RALGPS1: variants seen among roughly 807,000 people sequenced by gnomAD.
RALGPS1 encodes the protein Ral GEF with PH domain and SH3 binding motif 1.
In RALGPS1, 19 loss-of-function variants were observed where a neutral mutation model predicts 78.8. The observed-to-expected ratio is 0.24, with a 90% confidence interval of 0.17 to 0.35. RALGPS1 has a LOEUF of 0.35. Among genes scored for constraint, RALGPS1 ranks in the 10% least tolerant of loss-of-function variants. The pLI is 1.00. For synonymous variants in RALGPS1, 228 were observed against 256.3 expected (o/e 0.89, Z 1.06); for missense variants, 454 against 688.3 (o/e 0.66, Z 3.81).
At chr9:127,034,351 C>A in intron 4 of RALGPS1, 80 bp from the exon 5 acceptor site, 2 of 1,259,736 alleles carry the variant, frequency 1.6e-6, no homozygotes, top group Non-Finnish European at 2.3e-6. Flanking sequence ...TTCATGCATG[C>A]TCATGTTCCC....
intron 10 of RALGPS1, among the ~76,000 whole-genome samples, chr9:127,171,654 G>A (rs1231166438): frequency 6.6e-6 from 1 of 152,202 alleles, no homozygotes; most frequent in Non-Finnish European, 1.5e-5. Context: ...ACCTACTCGG[G>A]AGGCTGAGGC....
chr9:127,088,977 C>T lies in RALGPS1; in HGVS notation c.610+19621C>T, dbSNP rs760636806. 44 of 1,614,100 alleles carry T rather than the reference C, an allele frequency of 2.7e-5. No individual in the cohort carries two copies. In the South Asian group the frequency reaches 4.7e-4, roughly 17 times the overall value. ...TTGGGGTTCGGTCGGATCATCATCA[C>T]CACTTTCTTGAGTGAGTAAGAGCCT... On this transcript the variant is annotated intron_variant, in intron 8 of 18. Transcript: ENST00000259351.
At chr9:126,991,544 A>G (rs1330673036) in intron 4 of RALGPS1, among the ~76,000 whole-genome samples, 2 of 152,298 alleles carry the variant, frequency 1.3e-5, no homozygotes, top group Non-Finnish European at 2.9e-5. Context: ...CTGCAAGGAA[A>G]AGAGGGTTTG....
chr9:127,071,214 C>A (rs2050172919), intron 8 of RALGPS1, among the ~76,000 whole-genome samples: 1 of 151,390 alleles, frequency 6.6e-6, no homozygotes, highest in Non-Finnish European at 1.5e-5. Flanking sequence ...TTAAAATTTA[C>A]CTCCTTGCCA....
intron 8 of RALGPS1, among the ~76,000 whole-genome samples, chr9:127,130,675 A>G (rs1564634962): frequency 6.6e-6 from 1 of 152,218 alleles, no homozygotes; most frequent in Admixed American, 6.5e-5. Context: ...CATAATATTC[A>G]CTGAGCACTT....
At chr9:127,030,431 C>G (rs1355248925) in intron 4 of RALGPS1, among the ~76,000 whole-genome samples, 1 of 152,204 alleles carries the variant, frequency 6.6e-6, no homozygotes, top group East Asian at 1.9e-4. Context: ...AAAGGCAAGG[C>G]AGAGGACAAC....
chr9:126,992,806 G>T (rs1324756433), intron 4 of RALGPS1, among the ~76,000 whole-genome samples: 3 of 152,226 alleles, frequency 2.0e-5, no homozygotes, highest in African/African-American at 4.8e-5. Context: ...CACAGATAAT[G>T]ATGCCTCTGT....
intron 8 of RALGPS1, among the ~76,000 whole-genome samples, chr9:127,097,309 T>C (rs1247979198): frequency 6.6e-6 from 1 of 152,264 alleles, no homozygotes; most frequent in Non-Finnish European, 1.5e-5. Flanking sequence ...TTTAAGGCTT[T>C]CTAGAATAAT....
intron 1 of RALGPS1, among the ~76,000 whole-genome samples, chr9:126,956,126 A>T (rs1024670698): frequency 3.3e-5 from 5 of 152,090 alleles, no homozygotes; most frequent in African/African-American, 1.2e-4. Flanking sequence ...GCAGAGACTT[A>T]ATATCTCAGG....
At chr9:127,009,971 A>G (rs1239151255) in intron 4 of RALGPS1, among the ~76,000 whole-genome samples, 2 of 152,128 alleles carry the variant, frequency 1.3e-5, no homozygotes, top group Non-Finnish European at 2.9e-5. Flanking sequence ...CCCTGGGTCT[A>G]TATTTCTTGG....
At chr9:127,172,866 T>C (rs2059638051) in intron 10 of RALGPS1, among the ~76,000 whole-genome samples, 1 of 152,214 alleles carries the variant, frequency 6.6e-6, no homozygotes, top group Admixed American at 6.5e-5. Flanking sequence ...CATTGGGCAA[T>C]GCTCACCTGT....
chr9:127,207,781 C>A (rs1299967513), intron 14 of RALGPS1, among the ~76,000 whole-genome samples: 2 of 152,202 alleles, frequency 1.3e-5, no homozygotes, highest in African/African-American at 2.4e-5. Flanking sequence ...TCCACCCTAA[C>A]TCTGTGTTCC....
intron 12 of RALGPS1, among the ~76,000 whole-genome samples, 162 bp downstream of exon 12, chr9:127,195,379 CTGGTGTGAG>C (rs2061302492): frequency 6.6e-6 from 1 of 152,196 alleles, no homozygotes; most frequent in South Asian, 2.1e-4. Flanking sequence ...TTTCCTGAGG[CTGGTGTGAG>C]CTTGGGAGGA....
intron 1 of RALGPS1, among the ~76,000 whole-genome samples, chr9:126,926,877 GT>G: frequency 6.6e-6 from 1 of 152,270 alleles, no homozygotes; most frequent in Middle Eastern, 3.4e-3. Flanking sequence ...CGATATCAGA[GT>G]TTCTCACTCG....
chr9:126,970,100 A>C (rs1034467598), intron 3 of RALGPS1, among the ~76,000 whole-genome samples: 4 of 152,302 alleles, frequency 2.6e-5, no homozygotes, highest in African/African-American at 9.6e-5. Flanking sequence ...TGGCGGCAGT[A>C]GCATATTTTT....
Position 126,943,303 on chromosome 9 carries a change from C to T in RALGPS1, c.-65-18922C>T, listed in dbSNP as rs1442887522. Among the ~76,000 whole-genome samples, 75 of 151,980 alleles carry T rather than the reference C, an allele frequency of 4.9e-4. 1 individual carries two copies. The highest frequency in any genetic ancestry group is 7.4e-5 in the Non-Finnish European group (5 of 67,998). On this transcript the variant is annotated intron_variant, in intron 1 of 18. Coordinates refer to ENST00000259351, the MANE Select transcript of RALGPS1 (RefSeq NM_014636.3). ...GATCACAGGCATGCACCACCACGCC[C>T]GGCTAATTTTTATATTTTTAGTAGA...
At chr9:126,962,397 C>G in intron 2 of RALGPS1, 51 bp downstream of exon 2, 1 of 1,581,478 alleles carries the variant, frequency 6.3e-7, no homozygotes, top group Non-Finnish European at 8.7e-7. Context: ...CTCCTTTCAG[C>G]TAACCCAGGC....
chr9:126,928,990 T>C (rs1178216230), intron 1 of RALGPS1, among the ~76,000 whole-genome samples: 1 of 152,182 alleles, frequency 6.6e-6, no homozygotes, highest in Non-Finnish European at 1.5e-5. Context: ...AATAATTCAT[T>C]AGAGAATTAT....
At chr9:127,110,554 A>G (rs954203264) in intron 8 of RALGPS1, among the ~76,000 whole-genome samples, 2 of 152,182 alleles carry the variant, frequency 1.3e-5, no homozygotes, top group African/African-American at 2.4e-5. Flanking sequence ...CCAGGACTCT[A>G]GACTCATACA....
Sources: allele counts gnomAD v4.1 joint callset (sites outside exome capture counted in the v4.1 genomes callset), GRCh38; gene constraint gnomAD v4.1.1; transcripts MANE v1.5; gene names NCBI Gene and HGNC (gene_info 2026-07-23, HGNC 2026-07-21).